The following TRAPPC11 variants were observed in gnomAD, a reference collection of about 807,000 sequenced individuals.
TRAPPC11 encodes foie gras homolog.
Under a neutral mutation model 151.2 loss-of-function variants are expected in TRAPPC11, and 104 were observed. That is an observed-to-expected ratio of 0.69 (90% CI 0.59 to 0.81). The LOEUF is 0.81. Ranked by LOEUF, TRAPPC11 falls within the 30% of genes least tolerant of loss-of-function variation. The probability of loss-of-function intolerance (pLI) is 0.00; values close to 1 mark genes in which losing one functional copy is unlikely to be tolerated. For synonymous variants in TRAPPC11, 456 were observed against 472.3 expected, an observed-to-expected ratio of 0.97 and a Z score of 0.45; for missense variants, 1,230 against 1,349.6, an observed-to-expected ratio of 0.91 and a Z score of 1.39.
At chr4:183,674,301 C>T (rs1735299583) in intron 5 of TRAPPC11, among the ~76,000 whole-genome samples, 1 of 151,692 alleles carries the variant, frequency 6.6e-6, no homozygotes, top group Non-Finnish European at 1.5e-5. Flanking sequence ...GCCTATAGTC[C>T]CAGCTACCTG....
At chr4:183,704,429 G>C (rs1353450452) in intron 26 of TRAPPC11, among the ~76,000 whole-genome samples, 3 of 151,146 alleles carry the variant, frequency 2.0e-5, no homozygotes, top group Non-Finnish European at 4.4e-5. Flanking sequence ...GCTGAGGCAG[G>C]AGAATCACTT....
At chr4:183,666,528 A>G (rs1734893552) in intron 3 of TRAPPC11, 102 bp downstream of exon 3, 9 of 1,201,140 alleles carry the variant, frequency 7.5e-6, no homozygotes, top group Non-Finnish European at 1.0e-5. Context: ...TGCAGTGGTC[A>G]CTTTGCGGAT....
rs986759893 is a variant in TRAPPC11 at position 183,684,178 on chromosome 4, G to C, written c.1321G>C (p.Ala441Pro). 1 of 1,613,838 alleles carries C rather than the reference G, an allele frequency of 6.2e-7. No homozygotes were observed. The highest frequency in any genetic ancestry group is 8.5e-7 in the Non-Finnish European group (1 of 1,179,928). The change falls in exon 13 of 30, where the codon GCA becomes CCA. Residue 441 changes from alanine (A) to proline (P), a missense_variant. Ala to Pro is a conservative substitution (Grantham distance 27). Transcript: ENST00000334690. ...CATAACTCTTCTGAGCAATGCTGTT[G>C]CACAGTTCAAGAAGTATAAGTGCCC... is the stretch of plus-strand genomic sequence containing the variant. ...IIITLLSNAVAQFKKYKCPRM... is the reference protein window; with the variant it reads ...IIITLLSNAVPQFKKYKCPRM...
chr4:183,667,975 C>T (rs755520606), intron 4 of TRAPPC11, 28 bp from the exon 5 acceptor site: 9 of 1,305,442 alleles, frequency 6.9e-6, no homozygotes, highest in Admixed American at 1.8e-5. Flanking sequence ...TTTTATTTCT[C>T]ATTCATCTTG....
At chr4:183,711,633 T>A (rs1052243562) in intron 29 of TRAPPC11, among the ~76,000 whole-genome samples, 6 of 152,256 alleles carry the variant, frequency 3.9e-5, no homozygotes, top group Non-Finnish European at 5.9e-5. Flanking sequence ...TGTTTCTGTA[T>A]GTATGTACAC....
chr4:183,707,270 G>GTGTGTGTT (rs1198128530), intron 28 of TRAPPC11, among the ~76,000 whole-genome samples: 1 of 151,826 alleles, frequency 6.6e-6, no homozygotes, highest in African/African-American at 2.4e-5. Flanking sequence ...GTGTGTGTGT[G>GTGTGTGTT]TGTGTGTGTG....
chr4:183,684,096 A>T, intron 12 of TRAPPC11, 42 bp downstream of exon 12: 3 of 1,605,406 alleles, frequency 1.9e-6, no homozygotes, highest in Non-Finnish European at 2.6e-6. Context: ...TACACTATTT[A>T]AGAAAAATAT....
intron 7 of TRAPPC11, among the ~76,000 whole-genome samples, chr4:183,676,528 A>G (rs529838034): frequency 3.3e-5 from 5 of 152,352 alleles, no homozygotes; most frequent in African/African-American, 9.6e-5. Context: ...GGAAAGAAAT[A>G]CATTTACCTG....
chr4:183,691,293 T>C (rs1736245239), intron 18 of TRAPPC11, 23 bp from the exon 19 acceptor site: 1 of 1,441,252 alleles, frequency 6.9e-7, no homozygotes. Flanking sequence ...TGACATTTGA[T>C]GACCCCTGTT....
chr4:183,669,183 C>T (rs1579163486), intron 5 of TRAPPC11, among the ~76,000 whole-genome samples: 1 of 152,214 alleles, frequency 6.6e-6, no homozygotes, highest in East Asian at 1.9e-4. Flanking sequence ...GTAGAATTCA[C>T]ACCACAGAAA....
Position 183,694,613 on chromosome 4 carries a change from A to G in TRAPPC11, c.2518A>G (p.Met840Val). ...ATTTATTTTGTTACAGCTGGAAAAA[A>G]TGTTGTATGTTCGCTGTGGAACAGT... ...DLHPGEQLEK[M>V]LYVRCGTVGS... The change falls in exon 23 of 30, where the codon ATG becomes GTG. Residue 840 changes from methionine (M) to valine (V), a missense_variant. By Grantham distance (21) the Met-to-Val change is conservative. Coordinates refer to ENST00000334690, the MANE Select transcript of TRAPPC11 (RefSeq NM_021942.6). The G allele has an allele frequency of 6.2e-7, 1 of 1,612,348 alleles. No individual in the cohort carries two copies. Among genetic ancestry groups the G allele is most frequent in the Non-Finnish European group, 8.5e-7 (1 of 1,179,032 alleles).
Position 183,660,948 on chromosome 4 carries a change from G to T in TRAPPC11, c.-22+1501G>T, listed in dbSNP as rs577130719. 1.2e-4 allele frequency among the ~76,000 whole-genome samples: 19 copies of T among 152,100 alleles called. No individual in the cohort carries two copies. In the South Asian group the frequency reaches 4.0e-3, roughly 32 times the overall value. ...AGGCTGGTTTTGAACCGTTGACCTC[G>T]TGAATCGCCCGCCTTGGCCTCCCAA... On this transcript the variant is annotated intron_variant, in intron 1 of 29. Transcript: ENST00000334690.
chr4:183,680,740 A>G (rs1050365177), intron 10 of TRAPPC11, among the ~76,000 whole-genome samples: 30 of 126,820 alleles, frequency 2.4e-4, no homozygotes, highest in Non-Finnish European at 3.2e-4. Flanking sequence ...GCTAGAGTGC[A>G]GTGGTGCAGT....
intron 1 of TRAPPC11, among the ~76,000 whole-genome samples, chr4:183,663,108 C>G (rs551119425): frequency 6.6e-6 from 1 of 152,084 alleles, no homozygotes; most frequent in Non-Finnish European, 1.5e-5. Context: ...ACTCTGTCAC[C>G]CAGATTGGAG....
chr4:183,670,990 A>G (rs1561031671), intron 5 of TRAPPC11, among the ~76,000 whole-genome samples: 1 of 152,036 alleles, frequency 6.6e-6, no homozygotes, highest in Non-Finnish European at 1.5e-5. Context: ...TCAGCCTCCC[A>G]AAGTGCTGGG....
Position 183,706,837 on chromosome 4 carries a change from C to T in TRAPPC11, c.3086C>T (p.Ser1029Leu), listed in dbSNP as rs201494083. The T allele has an allele frequency of 2.0e-4, 318 of 1,613,810 alleles. 1 individual carries two copies. The highest frequency in any genetic ancestry group is 2.5e-4 in the Non-Finnish European group (294 of 1,179,926). The change falls in exon 28 of 30, where the codon TCG becomes TTG. Residue 1029 changes from serine to leucine, a missense_variant. Physicochemically the swap from Ser to Leu is moderately radical, Grantham distance 145. Coordinates refer to ENST00000334690, the MANE Select transcript of TRAPPC11 (RefSeq NM_021942.6). Reference protein sequence around the residue: ...DLPSFGRVRESLPVKYHLQNK... With the variant: ...DLPSFGRVRELLPVKYHLQNK... The stretch of plus-strand genomic sequence containing the variant: ...CCGTCATTTGGGCGTGTCAGAGAGT[C>T]GTTACCTGTCAAGTATCACCTACAG...
rs538395350 is a variant in TRAPPC11, at chr4:183,682,235, G to A, written c.1114-497G>A. Among the ~76,000 whole-genome samples the A allele has an allele frequency of 9.2e-5, 14 of 152,208 alleles. No homozygotes were observed. In the East Asian group the frequency reaches 1.3e-3, roughly 15 times the overall value. On this transcript the variant is annotated intron_variant, in intron 10 of 29. Coordinates refer to ENST00000334690, the MANE Select transcript of TRAPPC11 (RefSeq NM_021942.6). ...GTTTTCTGCATTTTTCATGTATTAC[G>A]TTTTGGTTTCAGAGGGAAAAGTTAA...
At chr4:183,708,320 CTT>C in intron 28 of TRAPPC11, 85 bp from the exon 29 acceptor site, 1 of 1,380,894 alleles carries the variant, frequency 7.2e-7, no homozygotes. Flanking sequence ...GTTATCCAAT[CTT>C]TTGTAAATAA....
rs1561068944 is a variant in TRAPPC11 at position 183,711,882 on chromosome 4, T to C, written c.3358-718T>C. Among the ~76,000 whole-genome samples the C allele has an allele frequency of 3.9e-5, 6 of 152,376 alleles. No individual in the cohort carries two copies. The South Asian group carries it at 8.3e-4, about 21-fold the overall frequency. ...ATTATTTGTAAGAATTGTATTCTTT[T>C]AGCTACTAGCTATCCCTCTGGGATG... On this transcript the variant is annotated intron_variant, in intron 29 of 29. Transcript: ENST00000334690.
Sources: gnomAD v4.1 joint callset for allele counts (sites outside exome capture counted in the v4.1 genomes callset) on GRCh38, gnomAD v4.1.1 for gene constraint, MANE v1.5 for transcripts, NCBI Gene and HGNC (gene_info 2026-07-23, HGNC 2026-07-21) for gene names.